The following AGBL2 variants were observed in gnomAD, a reference collection of about 807,000 sequenced individuals.
AGBL2 encodes cytosolic carboxypeptidase 2.
AGBL2 carries 87 observed loss-of-function variants against 103.0 expected under a neutral mutation model. The ratio of observed to expected loss-of-function variants is 0.84; its 90% CI spans 0.71 to 1.01. AGBL2 has a LOEUF of 1.01. AGBL2 is among the 50% of genes least tolerant of loss of function. AGBL2 has a pLI of 0.00. For synonymous variants in AGBL2, 335 were observed against 356.7 expected (o/e 0.94, Z 0.69); for missense variants, 904 against 1,023.5 (o/e 0.88, Z 1.59).
In AGBL2 at chr11:47,663,092, G is replaced by A; in HGVS notation, c.2469C>T (p.Asp823=). 1 of 1,591,890 alleles carries A rather than the reference G, an allele frequency of 6.3e-7. No individual in the cohort carries two copies. Among genetic ancestry groups the A allele is most frequent in the Non-Finnish European group, 8.5e-7 (1 of 1,175,140 alleles). Residue 823 remains aspartate (D), a synonymous_variant, in exon 18 of 19, where the codon GAC becomes GAT. Coordinates refer to ENST00000525123, the MANE Select transcript of AGBL2 (RefSeq NM_024783.4). The part of the protein sequence containing the change: ...RLNETNLNRR[D]KDTPLDPSMA... ...TTGATGGGTCCAGGGGGGTGTCTTT[G>A]TCTCTTCTATTTAAATTTGTCTAAA...
At position 47,704,716 on chromosome 11, in the gene AGBL2, A is replaced by G; in HGVS notation, c.413T>C (p.Leu138Pro). The change falls in exon 7 of 19, where the codon CTG becomes CCG. Residue 138 changes from leucine to proline, a missense_variant. Physicochemically the swap from Leu to Pro is moderately conservative, Grantham distance 98. Coordinates refer to ENST00000525123, the MANE Select transcript of AGBL2 (RefSeq NM_024783.4). ...RVAGITDSHM[L>P]SLPHLRSRQL... ...TCTGCTCCTAAGATGTGGTAAACTC[A>G]GCATATGTGAATCTGCCAAAGGGAA... 6.2e-7 allele frequency: 1 copy of G among 1,613,818 alleles called. No homozygotes were observed. Among genetic ancestry groups the G allele is most frequent in the Non-Finnish European group, 8.5e-7 (1 of 1,179,950 alleles).
At chr11:47,667,409 C>T (rs1346972459) in intron 16 of AGBL2, among the ~76,000 whole-genome samples, 162 bp downstream of exon 16, 4 of 152,152 alleles carry the variant, frequency 2.6e-5, no homozygotes, top group Non-Finnish European at 5.9e-5. Context: ...CGGAGATGTC[C>T]GGAGGGCCCC....
chr11:47,674,170 A>C (rs1215142660), intron 14 of AGBL2, among the ~76,000 whole-genome samples: 8 of 152,116 alleles, frequency 5.3e-5, no homozygotes, highest in African/African-American at 1.4e-4. Flanking sequence ...AATGCTATGG[A>C]AAAAAGTAGA....
Position 47,667,579 on chromosome 11 carries a change from C to T in AGBL2, c.2332G>A (p.Asp778Asn), listed in dbSNP as rs2153802747. The T allele has an allele frequency of 1.2e-6, 2 of 1,613,780 alleles. No individual in the cohort carries two copies. The highest frequency in any genetic ancestry group is 4.5e-5 in the East Asian group (2 of 44,884). The part of the protein sequence containing the change: ...NLMQKLKLTE[D>N]TSEKAGFAST... ...CAGCAAGTCTTTCTTACTGAGGTATCTTCTGTTAACTTTAACTTCTGCATC... is the reference window on the plus strand; with the variant it reads ...CAGCAAGTCTTTCTTACTGAGGTATTTTCTGTTAACTTTAACTTCTGCATC... Residue 778 changes from aspartate to asparagine, a missense_variant, in exon 16 of 19, where the codon GAT (aspartate) becomes AAT (asparagine). Physicochemically the swap from Asp to Asn is conservative, Grantham distance 23. Transcript: ENST00000525123.
intron 11 of AGBL2, among the ~76,000 whole-genome samples, chr11:47,683,277 G>A (rs889783168): frequency 6.5e-4 from 99 of 152,222 alleles, no homozygotes; most frequent in African/African-American, 2.3e-3. Flanking sequence ...GGAGGCTGAG[G>A]CAGGAGAATT....
intron 13 of AGBL2, among the ~76,000 whole-genome samples, chr11:47,678,325 A>ATTATTTTTT (rs1565026399): frequency 4.3e-5 from 5 of 116,046 alleles, no homozygotes; most frequent in South Asian, 3.9e-4. Flanking sequence ...ATTTTATTTT[A>ATTATTTTTT]TTTTATTTTA....
chr11:47,700,715 AAATATTACATG>A (rs572548519), intron 7 of AGBL2, among the ~76,000 whole-genome samples: 169 of 152,340 alleles, frequency 1.1e-3, no homozygotes, highest in Non-Finnish European at 1.9e-3. Context: ...CACCTCAGTC[AAATATTACATG>A]AATTTATTTT....
chr11:47,712,074 T>A (rs1247073584), intron 3 of AGBL2, among the ~76,000 whole-genome samples: 3 of 152,188 alleles, frequency 2.0e-5, no homozygotes, highest in Non-Finnish European at 4.4e-5. Flanking sequence ...GTCTAAAAAA[T>A]AAATAAATAA....
chr11:47,710,665 C>A, intron 3 of AGBL2, 154 bp from the exon 4 acceptor site: 1 of 871,458 alleles, frequency 1.1e-6, no homozygotes, highest in Non-Finnish European at 1.8e-6. Flanking sequence ...TTTCATATTC[C>A]AACTTATGTG....
chr11:47,662,813 A>G (rs1310217899), intron 18 of AGBL2, among the ~76,000 whole-genome samples: 9 of 152,164 alleles, frequency 5.9e-5, no homozygotes, highest in African/African-American at 2.2e-4. Context: ...CTCTTTTAAA[A>G]AAGCAAACAA....
Position 47,660,017 on chromosome 11 carries a change from C to T in AGBL2, c.*156G>A. 1 of 657,090 alleles carries T rather than the reference C, an allele frequency of 1.5e-6. No homozygotes were observed. The highest frequency in any genetic ancestry group is 2.3e-6 in the Non-Finnish European group (1 of 427,900). The allele number at this position is 657,090 out of a possible 1,614,324, so 40.7% of individuals were successfully genotyped here. A position where few individuals can be genotyped will look rare whatever the true frequency, so the allele number is the denominator to read the frequency against. On this transcript the variant is annotated 3_prime_UTR_variant, in exon 19 of 19. Coordinates refer to ENST00000525123, the MANE Select transcript of AGBL2 (RefSeq NM_024783.4). ...GAGGTATGCATCTTGACCACATGCC[C>T]ACAGTGTAAGTACAAAGTGTAAGGT...
intron 14 of AGBL2, among the ~76,000 whole-genome samples, chr11:47,671,026 C>G (rs1235456837): frequency 6.6e-6 from 1 of 151,900 alleles, no homozygotes; most frequent in Non-Finnish European, 1.5e-5. Context: ...CTCATCTAGA[C>G]TAATCTAAAG....
intron 11 of AGBL2, among the ~76,000 whole-genome samples, chr11:47,684,226 T>A (rs1057376785): frequency 2.0e-5 from 3 of 149,808 alleles, no homozygotes; most frequent in Non-Finnish European, 4.4e-5. Context: ...TGAGTGGAGA[T>A]CGTGTTACTG....
chr11:47,702,778 G>T (rs1351177816), intron 7 of AGBL2, among the ~76,000 whole-genome samples: 1 of 152,070 alleles, frequency 6.6e-6, no homozygotes, highest in Non-Finnish European at 1.5e-5. Context: ...AGAGGCTGAG[G>T]CAGGAGAATC....
At chr11:47,675,178 C>T (rs2097370224) in intron 14 of AGBL2, among the ~76,000 whole-genome samples, 1 of 146,646 alleles carries the variant, frequency 6.8e-6, no homozygotes, top group South Asian at 2.1e-4. Flanking sequence ...TCTGCACTTA[C>T]TTCCTTGAGA....
chr11:47,662,495 CT>C (rs11304684), intron 18 of AGBL2, among the ~76,000 whole-genome samples: 80,265 of 134,724 alleles, frequency 0.6, 23,229 homozygotes, highest in Admixed American at 0.66. Flanking sequence ...TACTCGTTCA[CT>C]TTTTTTTTTT....
rs771624429 is a variant in AGBL2, at chr11:47,682,053, C to T, written c.1831G>A (p.Glu611Lys). The change falls in exon 12 of 19, where the codon GAA (glutamate) becomes AAA (lysine). Residue 611 changes from glutamate (E) to lysine (K), a missense_variant. Coordinates refer to ENST00000525123, the MANE Select transcript of AGBL2 (RefSeq NM_024783.4). ...CACATAACAACTCGTCCTGTTCCTT[C>T]TTTGCATTTTTGGACCTTAAAATTA... ...SCNFKVQKCK[E>K]GTGRVVMWRM... is the part of the protein sequence containing the mutation. The T allele has an allele frequency of 1.4e-5, 23 of 1,614,036 alleles. No individual in the cohort carries two copies. In the Middle Eastern group the frequency reaches 4.9e-4, roughly 35 times the overall value.
intron 13 of AGBL2, among the ~76,000 whole-genome samples, chr11:47,679,461 C>T (rs2097392846): frequency 6.6e-6 from 1 of 151,976 alleles, no homozygotes; most frequent in Non-Finnish European, 1.5e-5. Flanking sequence ...TTCCAAAGGA[C>T]TGTCTCCATC....
In AGBL2 at chr11:47,690,562, T is replaced by C. The variant is rs1365100396; in HGVS notation, c.1145A>G (p.Gln382Arg). The change falls in exon 10 of 19, where the codon CAG becomes CGG. Residue 382 changes from glutamine (Q) to arginine (R), a missense_variant. Physicochemically the swap from Gln to Arg is conservative, Grantham distance 43 (BLOSUM62 1). Transcript: ENST00000525123. ...QPFYCLTWTI[Q>R]FPYDQDTCFF... is the part of the protein sequence containing the mutation. ...GCAAGTGTCCTGGTCATATGGAAAC[T>C]GAATGGTCCACGTGAGACAGTAGAA... The C allele has an allele frequency of 6.2e-7, 1 of 1,614,172 alleles. No individual in the cohort carries two copies. The highest frequency in any genetic ancestry group is 1.7e-5 in the Admixed American group (1 of 60,008).
Sources: gnomAD v4.1 joint callset for allele counts (sites outside exome capture counted in the v4.1 genomes callset) on GRCh38, gnomAD v4.1.1 for gene constraint, MANE v1.5 for transcripts, NCBI Gene and HGNC (gene_info 2026-07-23, HGNC 2026-07-21) for gene names.